The following PLCL1 variants were observed in gnomAD, a reference collection of about 807,000 sequenced individuals.
PLCL1 encodes phospholipase C like 1 (inactive).
PLCL1 carries 41 observed loss-of-function variants against 84.4 expected under a neutral mutation model. The ratio of observed to expected loss-of-function variants is 0.49; its 90% CI spans 0.38 to 0.63. The LOEUF (loss-of-function observed/expected upper bound fraction) is 0.63, where lower values mean the gene tolerates loss of function less well. Ranked by LOEUF, PLCL1 falls within the 30% of genes least tolerant of loss-of-function variation. PLCL1 has a pLI of 0.00. For synonymous variants in PLCL1, 490 were observed against 488.3 expected, an observed-to-expected ratio of 1.00 and a Z score of -0.05; for missense variants, 1,206 against 1,367.8, an observed-to-expected ratio of 0.88 and a Z score of 1.87.
At chr2:197,923,056 C>T (rs866328971) in intron 1 of PLCL1, among the ~76,000 whole-genome samples, 49 of 125,458 alleles carry the variant, frequency 3.9e-4, no homozygotes, top group African/African-American at 1.2e-3. Flanking sequence ...ACCTCCCAGA[C>T]GGGGCGGCTG....
chr2:198,002,244 G>C (rs1376574145), intron 1 of PLCL1, among the ~76,000 whole-genome samples: 1 of 152,004 alleles, frequency 6.6e-6, no homozygotes, highest in Non-Finnish European at 1.5e-5. Context: ...GGGCTTGTGG[G>C]TTGTTTCTAA....
At chr2:198,000,365 G>T (rs989917034) in intron 1 of PLCL1, among the ~76,000 whole-genome samples, 12 of 152,054 alleles carry the variant, frequency 7.9e-5, no homozygotes, top group Non-Finnish European at 1.2e-4. Context: ...CCGAGGTTTG[G>T]GGTACAAATG....
intron 1 of PLCL1, among the ~76,000 whole-genome samples, chr2:197,886,007 T>C (rs1037571710): frequency 6.6e-6 from 1 of 152,204 alleles, no homozygotes; most frequent in African/African-American, 2.4e-5. Context: ...AATTTGAAGA[T>C]TAAATCACAG....
intron 1 of PLCL1, among the ~76,000 whole-genome samples, chr2:197,959,794 G>A (rs1458701239): frequency 6.6e-6 from 1 of 152,068 alleles, no homozygotes; most frequent in African/African-American, 2.4e-5. Flanking sequence ...TGACAACAGT[G>A]TAGCTGAGCC....
chr2:197,822,719 T>C lies in PLCL1; in HGVS notation c.240+17380T>C, dbSNP rs532392062. ...TTTGTCAGTGTTTCATTTGAAATGGTGTTCCTAGGCCTCAACACTGGTTGC... is the reference window on the plus strand; with the variant it reads ...TTTGTCAGTGTTTCATTTGAAATGGCGTTCCTAGGCCTCAACACTGGTTGC... On this transcript the variant is annotated intron_variant, in intron 1 of 5. Transcript: ENST00000428675. Among the ~76,000 whole-genome samples, 29 of 152,334 alleles carry C rather than the reference T, an allele frequency of 1.9e-4. No homozygotes were observed. In the South Asian group the frequency reaches 5.6e-3, roughly 29 times the overall value.
chr2:197,994,858 A>G (rs1261432960), intron 1 of PLCL1, among the ~76,000 whole-genome samples: 2 of 152,184 alleles, frequency 1.3e-5, no homozygotes, highest in African/African-American at 4.8e-5. Context: ...TATGTATGTG[A>G]TCCCCAAAGC....
intron 1 of PLCL1, among the ~76,000 whole-genome samples, chr2:198,081,705 G>A (rs1474976634): frequency 6.6e-6 from 1 of 152,178 alleles, no homozygotes; most frequent in Non-Finnish European, 1.5e-5. Context: ...TGGAGTCACT[G>A]AATCATCCCA....
At chr2:198,040,988 G>T (rs1691648187) in intron 1 of PLCL1, among the ~76,000 whole-genome samples, 1 of 152,146 alleles carries the variant, frequency 6.6e-6, no homozygotes, top group Admixed American at 6.5e-5. Context: ...GCCAATGGGG[G>T]GTTGGGGGAA....
chr2:198,057,441 C>T (rs1326252335), intron 1 of PLCL1, among the ~76,000 whole-genome samples: 5 of 151,954 alleles, frequency 3.3e-5, no homozygotes, highest in African/African-American at 1.2e-4. Context: ...CTCGGTACAC[C>T]TTTAAGGCAG....
intron 5 of PLCL1, among the ~76,000 whole-genome samples, chr2:198,105,558 C>T (rs976680283): frequency 1.3e-5 from 2 of 150,142 alleles, no homozygotes; most frequent in Non-Finnish European, 3.0e-5. Flanking sequence ...ATGAGGTTTT[C>T]GGTGCAGGCA....
chr2:198,086,417 T>C (rs1229263796), intron 2 of PLCL1, among the ~76,000 whole-genome samples, 185 bp downstream of exon 2: 2 of 152,158 alleles, frequency 1.3e-5, no homozygotes, highest in Non-Finnish European at 1.5e-5. Context: ...GGCCAGGAGT[T>C]CGAGGCCAGC....
chr2:198,136,591 C>T (rs768196057), intron 5 of PLCL1, among the ~76,000 whole-genome samples: 3 of 152,034 alleles, frequency 2.0e-5, no homozygotes, highest in East Asian at 1.9e-4. Flanking sequence ...GGGTTCCACT[C>T]GTCAGCTAGT....
At chr2:198,017,157 A>G (rs970594377) in intron 1 of PLCL1, among the ~76,000 whole-genome samples, 9 of 152,230 alleles carry the variant, frequency 5.9e-5, no homozygotes, top group Non-Finnish European at 1.2e-4. Flanking sequence ...TTAAAACCAC[A>G]ATGACACATA....
chr2:197,972,317 TC>T (rs1206863254), intron 1 of PLCL1, among the ~76,000 whole-genome samples: 1 of 152,102 alleles, frequency 6.6e-6, no homozygotes, highest in African/African-American at 2.4e-5. Flanking sequence ...CAAAATAAAT[TC>T]AGTATGAAGG....
At chr2:197,827,001 CT>C in intron 1 of PLCL1, among the ~76,000 whole-genome samples, 1 of 152,234 alleles carries the variant, frequency 6.6e-6, no homozygotes, top group South Asian at 2.1e-4. Context: ...ACCATGTTTT[CT>C]TGGGTCTACC....
chr2:197,808,367 C>T (rs567994600), intron 1 of PLCL1, among the ~76,000 whole-genome samples: 22 of 152,218 alleles, frequency 1.4e-4, no homozygotes, highest in Middle Eastern at 3.4e-3. Context: ...GAATATATTT[C>T]TAATTAAGAA....
At chr2:198,020,558 GAAAGAAAAAAA>G (rs1691108377) in intron 1 of PLCL1, among the ~76,000 whole-genome samples, 1 of 141,398 alleles carries the variant, frequency 7.1e-6, no homozygotes, top group Non-Finnish European at 1.5e-5. Context: ...CAAGCAAATG[GAAAGAAAAAAA>G]AAAGAAAAAA....
At chr2:197,911,113 C>T (rs533011436) in intron 1 of PLCL1, among the ~76,000 whole-genome samples, 7 of 152,178 alleles carry the variant, frequency 4.6e-5, no homozygotes, top group Non-Finnish European at 7.4e-5. Flanking sequence ...GAGGCTGAGG[C>T]GGGCAGATCA....
chr2:197,820,003 A>G (rs1379476358), intron 1 of PLCL1, among the ~76,000 whole-genome samples: 1 of 151,928 alleles, frequency 6.6e-6, no homozygotes, highest in African/African-American at 2.4e-5. Flanking sequence ...AAAACGAACA[A>G]TGATTTCAGA....
Sources: gnomAD v4.1 joint callset for allele counts (sites outside exome capture counted in the v4.1 genomes callset) on GRCh38, gnomAD v4.1.1 for gene constraint, MANE v1.5 for transcripts, NCBI Gene and HGNC (gene_info 2026-07-23, HGNC 2026-07-21) for gene names.